PFKFB3: variants seen among roughly 807,000 people sequenced by gnomAD.
PFKFB3 encodes the protein 6-phosphofructo-2-kinase/fructose-2,6-bisphosphatase 3.
In PFKFB3, 33 loss-of-function variants were observed where a neutral mutation model predicts 68.0. The observed-to-expected ratio is 0.49, with a 90% confidence interval of 0.37 to 0.65. The LOEUF (loss-of-function observed/expected upper bound fraction) is 0.65. PFKFB3 is among the 30% of genes least tolerant of loss of function. PFKFB3 has a pLI of 0.00. For missense variants in PFKFB3, 586 were observed against 712.2 expected (o/e 0.82, Z 2.02); for synonymous variants, 315 against 288.2 (o/e 1.09, Z -0.94).
In PFKFB3 at chr10:6,229,071, C is replaced by T. The variant is rs761288212; in HGVS notation, c.1515+2706C>T. 2 of 523,328 alleles carry T rather than the reference C, an allele frequency of 3.8e-6. No individual in the cohort carries two copies. The highest frequency in any genetic ancestry group is 7.8e-6 in the Non-Finnish European group (2 of 255,106). The allele number at this position is 523,328 out of a possible 1,614,324, so 32.4% of individuals were successfully genotyped here. On this transcript the variant is annotated intron_variant, in intron 14 of 14. Coordinates refer to ENST00000379775, the MANE Select transcript of PFKFB3 (RefSeq NM_004566.4). The surrounding 1 kb of genome is among the most constrained non-coding windows in gnomAD (Gnocchi z 4.3). ...AAAAACACACCCGCCCCTTTATTTCCTGTTTGCTCCTTAAGTTACCTTAAC... is the reference window on the plus strand; with the variant it reads ...AAAAACACACCCGCCCCTTTATTTCTTGTTTGCTCCTTAAGTTACCTTAAC...
At chr10:6,269,124 G>T in the PFKFB3 span, among the ~76,000 whole-genome samples, 1 of 150,934 alleles carries the variant, frequency 6.6e-6, no homozygotes, top group Non-Finnish European at 1.5e-5. Flanking sequence ...TAAAACAGTA[G>T]TTGTCAACAT....
intron 1 of PFKFB3, among the ~76,000 whole-genome samples, chr10:6,180,709 C>T (rs1842688203): frequency 6.6e-6 from 1 of 152,216 alleles, no homozygotes; most frequent in Non-Finnish European, 1.5e-5. Context: ...AAGCAGTCCT[C>T]TCACCTCACC....
chr10:6,244,608 T>A (rs1253384697), intron 14 of PFKFB3, among the ~76,000 whole-genome samples: 1 of 152,094 alleles, frequency 6.6e-6, no homozygotes, highest in Non-Finnish European at 1.5e-5. Flanking sequence ...TCTTACACGG[T>A]AATAAATTAG....
chr10:6,204,196 G>T (rs1199062181), intron 1 of PFKFB3, among the ~76,000 whole-genome samples: 1 of 152,262 alleles, frequency 6.6e-6, no homozygotes, highest in Non-Finnish European at 1.5e-5. Context: ...GAGCGCCGCC[G>T]CGGAAAAGGG....
At chr10:6,231,958 C>G (rs1469668960) in intron 14 of PFKFB3, among the ~76,000 whole-genome samples, 2 of 152,238 alleles carry the variant, frequency 1.3e-5, no homozygotes, top group African/African-American at 4.8e-5. Context: ...GGCGATAGCT[C>G]TGATGCTGCC....
At chr10:6,301,026 C>T in the PFKFB3 span, among the ~76,000 whole-genome samples, 6 of 152,146 alleles carry the variant, frequency 3.9e-5, no homozygotes, top group Non-Finnish European at 5.9e-5. Flanking sequence ...GAGGCTGGTC[C>T]GTAACAGTGG....
At chr10:6,197,417 A>G (rs892850957) in intron 1 of PFKFB3, among the ~76,000 whole-genome samples, 76 of 152,330 alleles carry the variant, frequency 5.0e-4, no homozygotes, top group Non-Finnish European at 9.8e-4. Context: ...GATGTGTAGT[A>G]GGCTCTGCCA....
At chr10:6,198,742 C>G (rs1405781290), upstream of PFKFB3, among the ~76,000 whole-genome samples, 1 of 152,230 alleles carries the variant, frequency 6.6e-6, no homozygotes, top group African/African-American at 2.4e-5. Context: ...CTTGGCCTCC[C>G]AAAGTACTGG....
At chr10:6,214,103 C>G (rs1844407548) in intron 2 of PFKFB3, among the ~76,000 whole-genome samples, 1 of 152,202 alleles carries the variant, frequency 6.6e-6, no homozygotes, top group Admixed American at 6.5e-5. Flanking sequence ...TACCGTAGAT[C>G]AAGGGTCTTC....
the PFKFB3 span, among the ~76,000 whole-genome samples, chr10:6,285,922 T>A: frequency 6.6e-6 from 1 of 152,188 alleles, no homozygotes; most frequent in East Asian, 1.9e-4. Flanking sequence ...TTTCATTGTA[T>A]GTATGTACTA....
chr10:6,159,679 T>A (rs1588395916), intron 1 of PFKFB3, among the ~76,000 whole-genome samples: 1 of 132,956 alleles, frequency 7.5e-6, no homozygotes, highest in Admixed American at 8.0e-5. Flanking sequence ...GCAACAAGAG[T>A]GAAACTCCGT....
chr10:6,157,545 A>G (rs1173966455), intron 1 of PFKFB3, among the ~76,000 whole-genome samples: 1 of 152,156 alleles, frequency 6.6e-6, no homozygotes, highest in Non-Finnish European at 1.5e-5. Context: ...GTCTTTGGTG[A>G]AAACATTCTA....
chr10:6,190,022 C>T (rs1375039251), intron 1 of PFKFB3, among the ~76,000 whole-genome samples: 10 of 151,982 alleles, frequency 6.6e-5, no homozygotes. Flanking sequence ...CGGCTCACTG[C>T]AACCTCTGCC....
At chr10:6,146,340 G>T in intron 1 of PFKFB3, 1 of 1,530,488 alleles carries the variant, frequency 6.5e-7, no homozygotes, top group South Asian at 1.2e-5. Context: ...GCGGTGAAGG[G>T]GGTGGCTGCT....
chr10:6,179,951 G>A (rs372003547), intron 1 of PFKFB3, among the ~76,000 whole-genome samples: 11 of 152,096 alleles, frequency 7.2e-5, no homozygotes, highest in South Asian at 4.1e-4. Context: ...ACAAACGCCC[G>A]GTGAGGTCGA....
In PFKFB3 at chr10:6,217,078, G is replaced by C. The variant is rs959076596; in HGVS notation, c.442-57G>C. 9.8e-6 allele frequency: 15 copies of C among 1,537,418 alleles called. No individual in the cohort carries two copies. In the African/African-American group the frequency reaches 1.8e-4, roughly 18 times the overall value. ...TCCGGGTGATGACATCGCAGTGATG[G>C]CAAGGTTGATCCTTCGTGGTGTTTG... is the stretch of plus-strand genomic sequence containing the variant. On this transcript the variant is annotated intron_variant, in intron 5 of 14. Coordinates refer to ENST00000379775, the MANE Select transcript of PFKFB3 (RefSeq NM_004566.4).
At chr10:6,225,486 T>C (rs1007518937) in intron 13 of PFKFB3, among the ~76,000 whole-genome samples, 1 of 152,188 alleles carries the variant, frequency 6.6e-6, no homozygotes, top group Non-Finnish European at 1.5e-5. Flanking sequence ...CGCTATGGGA[T>C]TGGGCCTGAG....
chr10:6,240,910 CTT>C (rs35946619), intron 14 of PFKFB3, among the ~76,000 whole-genome samples: 8 of 147,298 alleles, frequency 5.4e-5, no homozygotes, highest in South Asian at 2.1e-4. Flanking sequence ...GTAGAATGTT[CTT>C]TTTTTTTTTT....
At chr10:6,263,789 G>T in the PFKFB3 span, among the ~76,000 whole-genome samples, 47,253 of 152,048 alleles carry the variant, frequency 0.31, 7,641 homozygotes, top group East Asian at 0.41. Flanking sequence ...GGGCCTAAAC[G>T]ATTCTCGTGC....
Sources: gnomAD v4.1 joint callset for allele counts (sites outside exome capture counted in the v4.1 genomes callset) on GRCh38, gnomAD v4.1.1 for gene constraint, Gnocchi (gnomAD v3.1) non-coding constraint, MANE v1.5 for transcripts, NCBI Gene and HGNC (gene_info 2026-07-23, HGNC 2026-07-21) for gene names.